The following SLCO3A1 variants were observed in gnomAD, a reference collection of about 807,000 sequenced individuals.
The protein encoded by SLCO3A1 is solute carrier organic anion transporter family member 3A1, also known as PGE1 transporter.
In SLCO3A1, 27 loss-of-function variants were observed where a neutral mutation model predicts 63.1. The ratio of observed to expected loss-of-function variants is 0.43; its 90% confidence interval spans 0.32 to 0.59. SLCO3A1 has a LOEUF of 0.59. Among genes scored for constraint, SLCO3A1 ranks in the 20% least tolerant of loss-of-function variants. The pLI, the probability that SLCO3A1 is intolerant of heterozygous loss-of-function variation, is 0.09. For synonymous variants in SLCO3A1, 473 were observed against 409.9 expected (o/e 1.15, Z -1.86); for missense variants, 773 against 945.8 (o/e 0.82, Z 2.40).
chr15:92,071,230 T>C (rs1030454282), intron 2 of SLCO3A1, among the ~76,000 whole-genome samples: 1 of 152,158 alleles, frequency 6.6e-6, no homozygotes, highest in Non-Finnish European at 1.5e-5. Flanking sequence ...GGTTGGGTGC[T>C]GCATGCATGC....
chr15:92,024,025 C>A (rs2151473963), intron 2 of SLCO3A1, among the ~76,000 whole-genome samples: 1 of 152,282 alleles, frequency 6.6e-6, no homozygotes, highest in East Asian at 1.9e-4. Context: ...GTCCCTGGTT[C>A]CTCTGTCTTT....
intron 1 of SLCO3A1, among the ~76,000 whole-genome samples, chr15:91,868,682 T>C (rs1897226073): frequency 6.6e-6 from 1 of 152,206 alleles, no homozygotes; most frequent in Non-Finnish European, 1.5e-5. Context: ...CTCAATTTCC[T>C]CATCTCTAAG....
intron 2 of SLCO3A1, among the ~76,000 whole-genome samples, chr15:92,069,096 G>GCC (rs56003783): frequency 2.6e-5 from 3 of 115,736 alleles, no homozygotes; most frequent in Non-Finnish European, 3.5e-5. Flanking sequence ...GGCTCCCCCC[G>GCC]CCCCCCCCCC....
At chr15:91,908,967 A>G (rs1224336205) in intron 1 of SLCO3A1, among the ~76,000 whole-genome samples, 1 of 152,194 alleles carries the variant, frequency 6.6e-6, no homozygotes, top group Non-Finnish European at 1.5e-5. Context: ...AGGCTGAGGC[A>G]GGAGAATTGC....
At chr15:92,006,223 C>A (rs78637786) in intron 2 of SLCO3A1, among the ~76,000 whole-genome samples, 274 of 152,288 alleles carry the variant, frequency 1.8e-3, no homozygotes, top group African/African-American at 5.7e-3. Context: ...TCCTTTCTAA[C>A]TTCTGCACTT....
intron 2 of SLCO3A1, among the ~76,000 whole-genome samples, chr15:92,001,918 C>A (rs1567060720): frequency 7.9e-6 from 1 of 126,088 alleles, no homozygotes; most frequent in Admixed American, 1.1e-4. Flanking sequence ...TGTGTGAGTT[C>A]TTTTTATTAG....
chr15:92,008,518 T>C (rs577198587), intron 2 of SLCO3A1, among the ~76,000 whole-genome samples: 82 of 152,350 alleles, frequency 5.4e-4, no homozygotes, highest in African/African-American at 1.9e-3. Context: ...TAAGATGTTT[T>C]CGTTTTAAAT....
rs1897725284 is a variant in SLCO3A1, at chr15:91,886,403, C to G, written c.181-29590C>G. Among the ~76,000 whole-genome samples, 1 of 152,186 alleles carries G rather than the reference C, an allele frequency of 6.6e-6. No individual in the cohort carries two copies. Among genetic ancestry groups the G allele is most frequent in the Non-Finnish European group, 1.5e-5 (1 of 68,034 alleles). On this transcript the variant is annotated intron_variant, in intron 1 of 9. Coordinates refer to ENST00000318445, the MANE Select transcript of SLCO3A1 (RefSeq NM_013272.4). This position sits in a 1 kb window ranked among gnomAD's most constrained non-coding sequence, Gnocchi z 4.9. The stretch of plus-strand genomic sequence containing the variant: ...TGAGCCCCTGGCCCGCTGCACCTAC[C>G]TTGGGTCTGGGTGGCTCCTGTTTGT...
At chr15:92,118,131 C>G (rs2047818352) in intron 4 of SLCO3A1, among the ~76,000 whole-genome samples, 1 of 152,206 alleles carries the variant, frequency 6.6e-6, no homozygotes, top group East Asian at 1.9e-4. Context: ...TGTATTAATA[C>G]AATGGACTTG....
intron 2 of SLCO3A1, among the ~76,000 whole-genome samples, chr15:91,979,542 C>T (rs538558890): frequency 6.6e-6 from 1 of 152,212 alleles, no homozygotes; most frequent in East Asian, 1.9e-4. Flanking sequence ...CTACCTCTTC[C>T]CTAAAGGGTA....
chr15:92,053,684 G>GTTTTTTTTTTTT (rs1567092399), intron 2 of SLCO3A1, among the ~76,000 whole-genome samples: 2 of 14,918 alleles, frequency 1.3e-4, no homozygotes, highest in African/African-American at 2.2e-4. Flanking sequence ...TTGTTTTTTT[G>GTTTTTTTTTTTT]TTTGTTTGTT....
intron 2 of SLCO3A1, among the ~76,000 whole-genome samples, chr15:91,934,222 G>T (rs1015646113): frequency 1.3e-5 from 2 of 152,140 alleles, no homozygotes; most frequent in Admixed American, 1.3e-4. Context: ...GAGTGTTACA[G>T]GAGAGGAATA....
chr15:92,041,452 T>G (rs1051711269), intron 2 of SLCO3A1, among the ~76,000 whole-genome samples: 3 of 152,148 alleles, frequency 2.0e-5, no homozygotes, highest in African/African-American at 7.2e-5. Flanking sequence ...TCAGCTAATA[T>G]ACAGCAGAAG....
At chr15:91,957,026 A>ATTATATATACTATATATTATATATACT (rs372562510) in intron 2 of SLCO3A1, among the ~76,000 whole-genome samples, 1 of 1,544 alleles carries the variant, frequency 6.5e-4, no homozygotes, top group Non-Finnish European at 9.1e-4. Context: ...TAGTATATAT[A>ATTATATATACTATATATTATATATACT]ATATATAATA....
At chr15:92,087,945 CT>C (rs1213070251) in intron 2 of SLCO3A1, among the ~76,000 whole-genome samples, 1 of 152,208 alleles carries the variant, frequency 6.6e-6, no homozygotes, top group Non-Finnish European at 1.5e-5. Flanking sequence ...CCTGACCCTT[CT>C]TGTAGACTTA....
chr15:92,054,257 G>C (rs1201559169), intron 2 of SLCO3A1, among the ~76,000 whole-genome samples: 2 of 152,118 alleles, frequency 1.3e-5, no homozygotes, highest in Non-Finnish European at 2.9e-5. Flanking sequence ...GTATTAAAAT[G>C]GGGATGCTTT....
At position 92,165,503 on chromosome 15, in the gene SLCO3A1, A is replaced by AG; in HGVS notation, c.*2369dup. On this transcript the variant is annotated 3_prime_UTR_variant, in exon 10 of 10. Transcript: ENST00000318445. ...GTTTTATGGAACTATTTGCTTTGAG[A>AG]GAAAAAAAAAAGAAAGTTTTTTAAA... The AG allele has an allele frequency of 1.0e-6, 1 of 980,262 alleles. No homozygotes were observed. The highest frequency in any genetic ancestry group is 4.7e-5 in the South Asian group (1 of 21,084). The allele number at this position is 980,262 out of a possible 1,614,324, so 60.7% of individuals were successfully genotyped here. A position where few individuals can be genotyped will look rare whatever the true frequency, so the allele number is the denominator to read the frequency against.
In SLCO3A1 at chr15:91,887,156, A is replaced by C. The variant is rs75638504; in HGVS notation, c.181-28837A>C. On this transcript the variant is annotated intron_variant, in intron 1 of 9. Coordinates refer to ENST00000318445, the MANE Select transcript of SLCO3A1 (RefSeq NM_013272.4). ...TCATAGACAGGTTTAGAAGTGCCTT[A>C]GAATTCAGAGTTAATCCAGAGTGGG... is the stretch of plus-strand genomic sequence containing the variant. 6.0e-3 allele frequency among the ~76,000 whole-genome samples: 916 copies of C among 152,336 alleles called. 15 individuals are homozygous for C. The highest frequency in any genetic ancestry group is 5.0e-3 in the Non-Finnish European group (337 of 68,030).
At chr15:92,166,917 C>T (rs906309028), downstream of SLCO3A1, among the ~76,000 whole-genome samples, 2 of 152,178 alleles carry the variant, frequency 1.3e-5, no homozygotes, top group Non-Finnish European at 2.9e-5. Flanking sequence ...CAGACCTGTG[C>T]AGTCTGCTCT....
Sources: allele counts gnomAD v4.1 joint callset (sites outside exome capture counted in the v4.1 genomes callset), GRCh38; gene constraint gnomAD v4.1.1; non-coding constraint Gnocchi (gnomAD v3.1); transcripts MANE v1.5; gene names NCBI Gene and HGNC (gene_info 2026-07-23, HGNC 2026-07-21).